Variants in RELN observed in about 807,000 individuals in gnomAD.
RELN encodes reelin.
RELN carries 108 observed loss-of-function variants against 427.6 expected under a neutral mutation model. The observed-to-expected ratio is 0.25, with a 90% CI of 0.22 to 0.30. The LOEUF (loss-of-function observed/expected upper bound fraction) is 0.30, where lower values mean the gene tolerates loss of function less well. Among genes scored for constraint, RELN ranks in the 10% least tolerant of loss-of-function variants. The probability of loss-of-function intolerance (pLI) is 1.00; values close to 1 mark genes in which losing one functional copy is unlikely to be tolerated. For synonymous variants in RELN, 1,524 were observed against 1,513.4 expected (o/e 1.01, Z -0.16); for missense variants, 3,715 against 4,302.8 (o/e 0.86, Z 3.82).
chr7:103,763,041 G>A (rs1791341559), intron 4 of RELN, among the ~76,000 whole-genome samples: 1 of 152,200 alleles, frequency 6.6e-6, no homozygotes, highest in African/African-American at 2.4e-5. Flanking sequence ...TTATTCAGGA[G>A]AAGGACAGTT....
At chr7:103,786,750 G>C (rs1291315470) in intron 3 of RELN, among the ~76,000 whole-genome samples, 1 of 151,986 alleles carries the variant, frequency 6.6e-6, no homozygotes, top group East Asian at 1.9e-4. Flanking sequence ...CACAATAATA[G>C]TTGGAGACTT....
At chr7:103,755,776 G>A (rs1433639754) in intron 4 of RELN, among the ~76,000 whole-genome samples, 1 of 131,336 alleles carries the variant, frequency 7.6e-6, no homozygotes, top group South Asian at 2.4e-4. Context: ...TCGCACAACC[G>A]CACTCCAGTC....
chr7:103,760,831 T>C (rs1045030049), intron 4 of RELN, among the ~76,000 whole-genome samples: 2 of 152,176 alleles, frequency 1.3e-5, no homozygotes, highest in African/African-American at 4.8e-5. Flanking sequence ...TATGACAAAT[T>C]AGACATGGGC....
In RELN at chr7:103,773,393, C is replaced by T. The variant is rs1300955485; in HGVS notation, c.544+3164G>A. ...TCCCTCCCTCCCTCCCTCCCTCGCT[C>T]CCTCCCTGTCTCTCTCTCTCTCTCC... On this transcript the variant is annotated intron_variant, in intron 4 of 64. Transcript: ENST00000428762. 3.2e-5 allele frequency among the ~76,000 whole-genome samples: 4 copies of T among 126,760 alleles called. 1 individual carries two copies. The highest frequency in any genetic ancestry group is 6.6e-5 in the Non-Finnish European group (4 of 60,188). The allele number at this position is 126,760 out of a possible 152,430, so 83.2% of individuals were successfully genotyped here.
At chr7:103,604,628 C>CA (rs1204005239) in intron 22 of RELN, 145 bp from the exon 23 acceptor site, 1 of 779,162 alleles carries the variant, frequency 1.3e-6, no homozygotes, top group Non-Finnish European at 2.2e-6. Flanking sequence ...AATTTCCACT[C>CA]AATTATTGTC....
At chr7:103,754,905 T>C (rs492063) in intron 4 of RELN, among the ~76,000 whole-genome samples, 81,685 of 151,640 alleles carry the variant, frequency 0.54, 22,478 homozygotes, top group Non-Finnish European at 0.6. Flanking sequence ...AGAAAAAGAG[T>C]TTTAAGAGCT....
chr7:103,661,300 A>G lies in RELN; in HGVS notation c.1441+76T>C. On this transcript the variant is annotated intron_variant, in intron 12 of 64. Coordinates refer to ENST00000428762, the MANE Select transcript of RELN (RefSeq NM_005045.4). ...TCATTTTACGTAGTTGACAACAAAC[A>G]ATCTTACTTCCTCAGGAATAGGTGC... is the stretch of plus-strand genomic sequence containing the variant. 5 of 1,461,244 alleles carry G rather than the reference A, an allele frequency of 3.4e-6. No individual in the cohort carries two copies. In the South Asian group the frequency reaches 5.7e-5, roughly 17 times the overall value. 90.5% of individuals were successfully genotyped at this position (1,461,244 alleles called of 1,614,324 possible).
chr7:103,565,206 G>T, intron 34 of RELN, 72 bp downstream of exon 34: 2 of 1,531,224 alleles, frequency 1.3e-6, no homozygotes, highest in Non-Finnish European at 1.8e-6. Context: ...TCCCCAGGCC[G>T]AATCACAATT....
At position 103,650,290 on chromosome 7, in the gene RELN, CAT is replaced by C. The variant is rs774006069; in HGVS notation, c.1984_1985del (p.Met662ValfsTer4). On this transcript the variant is annotated frameshift_variant, in exon 16 of 65. Coordinates refer to ENST00000428762, the MANE Select transcript of RELN (RefSeq NM_005045.4). LOFTEE classifies it high-confidence loss of function. ...AACACTAACCATTATCAATTGCCCA[CAT>C]GTTTCCAAGGATTGGTCCTGTTTGT... is the stretch of plus-strand genomic sequence containing the variant. ...WRQTGPILGN[M>X]WAIDNVYIGP... The C allele has an allele frequency of 4.4e-6, 7 of 1,605,120 alleles. No individual in the cohort carries two copies. Among genetic ancestry groups the C allele is most frequent in the Non-Finnish European group, 6.0e-6 (7 of 1,172,126 alleles).
chr7:103,965,485 T>G (rs1014844383), intron 1 of RELN, among the ~76,000 whole-genome samples: 24 of 152,214 alleles, frequency 1.6e-4, no homozygotes, highest in African/African-American at 5.5e-4. Context: ...CCTATACTCA[T>G]AAAATCATGT....
At chr7:103,801,242 A>G (rs1005481967) in intron 3 of RELN, among the ~76,000 whole-genome samples, 2 of 152,246 alleles carry the variant, frequency 1.3e-5, no homozygotes, top group African/African-American at 4.8e-5. Context: ...TATATACCCA[A>G]AGGATTATAA....
At chr7:103,543,933 C>G (rs931745631) in intron 42 of RELN, among the ~76,000 whole-genome samples, 4 of 152,158 alleles carry the variant, frequency 2.6e-5, no homozygotes, top group African/African-American at 7.2e-5. Context: ...TCACTTTCCC[C>G]TCCTCCAACG....
intron 15 of RELN, among the ~76,000 whole-genome samples, chr7:103,651,284 G>A (rs1246730616): frequency 6.6e-6 from 1 of 151,982 alleles, no homozygotes; most frequent in African/African-American, 2.4e-5. Context: ...GAAAGTCAGG[G>A]AGAGTAAATA....
chr7:103,917,286 CA>C, intron 1 of RELN, 101 bp from the exon 2 acceptor site: 1 of 935,332 alleles, frequency 1.1e-6, no homozygotes, highest in East Asian at 2.5e-5. Flanking sequence ...TACTCATTAA[CA>C]AATTATTTTT....
At chr7:103,498,487 T>A (rs1414610847) in intron 53 of RELN, among the ~76,000 whole-genome samples, 1 of 136,696 alleles carries the variant, frequency 7.3e-6, no homozygotes, top group African/African-American at 3.2e-5. Flanking sequence ...ATTGTAAAGT[T>A]GACTATATCA....
intron 6 of RELN, among the ~76,000 whole-genome samples, chr7:103,737,959 A>G (rs1790535990): frequency 6.6e-6 from 1 of 151,804 alleles, no homozygotes; most frequent in African/African-American, 2.4e-5. Context: ...GGCTTTCTTG[A>G]TGTTTCACAT....
chr7:103,983,425 G>A (rs935810001), intron 1 of RELN, among the ~76,000 whole-genome samples: 5 of 152,198 alleles, frequency 3.3e-5, no homozygotes, highest in African/African-American at 9.7e-5. Flanking sequence ...ACCAAAGTGA[G>A]ATCATGTCAT....
chr7:103,551,200 G>C lies in RELN; in HGVS notation c.6169C>G (p.Leu2057Val), dbSNP rs764185528. 2.4e-5 allele frequency: 38 copies of C among 1,614,112 alleles called. No individual in the cohort carries two copies. Among genetic ancestry groups the C allele is most frequent in the East Asian group, 2.2e-4 (10 of 44,872 alleles). ...ACGTGGCTGCTGCTGTGGTAGCAGA[G>C]GGGCAGCAGAAGGTGCCAGGTCGCC... The part of the protein sequence containing the change: ...FGATWHLLLP[L>V]CYHSSSHVSS... The change falls in exon 41 of 65, where the codon CTC (leucine) becomes GTC (valine). Residue 2057 changes from leucine (L) to valine (V), a missense_variant. Physicochemically the swap from Leu to Val is conservative, Grantham distance 32. This residue lies in a region of RELN where 1,310 missense variants were observed against 1,643.0 expected (regional missense o/e 0.80). Transcript: ENST00000428762.
chr7:103,728,839 G>T (rs1312878707), intron 6 of RELN, among the ~76,000 whole-genome samples: 1 of 152,104 alleles, frequency 6.6e-6, no homozygotes. Flanking sequence ...TTTAATCCAT[G>T]TATTAGTATG....
Sources: allele counts gnomAD v4.1 joint callset (sites outside exome capture counted in the v4.1 genomes callset), GRCh38; gene constraint gnomAD v4.1.1; regional missense constraint gnomAD v4.1.1; transcripts MANE v1.5; gene names NCBI Gene and HGNC (gene_info 2026-07-23, HGNC 2026-07-21).